The following ARHGAP24 variants were observed in gnomAD, a reference collection of about 807,000 sequenced individuals.
ARHGAP24 encodes rho GTPase-activating protein 24.
A neutral mutation model predicts 76.4 loss-of-function variants in ARHGAP24; 50 were observed. That is an observed-to-expected ratio of 0.65 (90% CI 0.52 to 0.83). The LOEUF (loss-of-function observed/expected upper bound fraction) is 0.83, where lower values mean the gene tolerates loss of function less well. Among genes scored for constraint, ARHGAP24 ranks in the 40% least tolerant of loss-of-function variants. ARHGAP24 has a pLI of 0.00. For missense variants in ARHGAP24, 930 were observed against 914.2 expected, an observed-to-expected ratio of 1.02 and a Z score of -0.22; for synonymous variants, 345 against 323.3, an observed-to-expected ratio of 1.07 and a Z score of -0.72.
chr4:85,889,259 G>A (rs902673650), intron 3 of ARHGAP24, among the ~76,000 whole-genome samples: 15 of 152,190 alleles, frequency 9.9e-5, no homozygotes, highest in African/African-American at 3.4e-4. Context: ...TCCCATTCCT[G>A]CTGAGAAAAT....
intron 1 of ARHGAP24, among the ~76,000 whole-genome samples, chr4:85,506,778 T>C (rs1724069138): frequency 6.6e-6 from 1 of 152,114 alleles, no homozygotes; most frequent in South Asian, 2.1e-4. Context: ...CCCAGTGAGA[T>C]GAACCAGGTA....
chr4:85,772,971 C>T (rs552185472), intron 3 of ARHGAP24, among the ~76,000 whole-genome samples: 1 of 152,086 alleles, frequency 6.6e-6, no homozygotes, highest in Non-Finnish European at 1.5e-5. Context: ...TCAAATTGTG[C>T]GATCAGTCTT....
chr4:85,846,408 T>C (rs1730887471), intron 3 of ARHGAP24, among the ~76,000 whole-genome samples: 1 of 152,342 alleles, frequency 6.6e-6, no homozygotes, highest in Admixed American at 6.5e-5. Context: ...TTATTATTAT[T>C]GACACTTTTT....
chr4:85,822,741 T>C (rs1281407277), intron 3 of ARHGAP24, among the ~76,000 whole-genome samples: 4 of 152,224 alleles, frequency 2.6e-5, no homozygotes, highest in East Asian at 1.9e-4. Flanking sequence ...TGTATTATGC[T>C]CTTTATATTT....
intron 1 of ARHGAP24, among the ~76,000 whole-genome samples, chr4:85,515,719 T>C (rs949477157): frequency 6.6e-6 from 1 of 152,200 alleles, no homozygotes; most frequent in Non-Finnish European, 1.5e-5. Flanking sequence ...TATTTTCATC[T>C]ATTACTATTA....
chr4:85,768,910 C>T (rs1370213099), intron 3 of ARHGAP24, among the ~76,000 whole-genome samples: 1 of 152,058 alleles, frequency 6.6e-6, no homozygotes, highest in African/African-American at 2.4e-5. Context: ...ATATCTTAGT[C>T]TCAGATAAGG....
Position 85,995,241 on chromosome 4 carries a change from G to A in ARHGAP24, c.1587G>A (p.Leu529=), listed in dbSNP as rs1306822645. Residue 529 remains leucine (L), a synonymous_variant, in exon 9 of 10, where the codon CTG becomes CTA. Transcript: ENST00000395184. ...QAGELGQHNR[L]STYDNVHQQF... is the part of the protein sequence containing the mutation. ...GAGAGTTAGGCCAGCACAACAGACT[G>A]TCCACCTATGATAATGTCCATCAAC... 2 of 1,613,874 alleles carry A rather than the reference G, an allele frequency of 1.2e-6. No homozygotes were observed. The highest frequency in any genetic ancestry group is 2.2e-5 in the East Asian group (1 of 44,848).
intron 3 of ARHGAP24, among the ~76,000 whole-genome samples, chr4:85,774,953 G>A (rs1475440666): frequency 2.0e-5 from 3 of 152,006 alleles, no homozygotes; most frequent in Non-Finnish European, 4.4e-5. Flanking sequence ...AGAGCAATGT[G>A]GTTCAAAAAG....
intron 3 of ARHGAP24, among the ~76,000 whole-genome samples, chr4:85,848,238 G>T (rs575598387): frequency 6.6e-6 from 1 of 152,104 alleles, no homozygotes. Flanking sequence ...CAACATGCAG[G>T]TTTGTTACAT....
chr4:85,860,425 G>A (rs954785907), intron 3 of ARHGAP24, among the ~76,000 whole-genome samples: 6 of 151,946 alleles, frequency 3.9e-5, no homozygotes, highest in South Asian at 2.1e-4. Context: ...TCTTCATTAC[G>A]GTTTAATATT....
intron 3 of ARHGAP24, among the ~76,000 whole-genome samples, chr4:85,744,144 G>A (rs1265860873): frequency 6.6e-6 from 1 of 152,164 alleles, no homozygotes; most frequent in African/African-American, 2.4e-5. Context: ...TATCACATAT[G>A]AATTCAGCTT....
At chr4:85,650,435 C>T (rs1721892265) in intron 2 of ARHGAP24, among the ~76,000 whole-genome samples, 1 of 149,310 alleles carries the variant, frequency 6.7e-6, no homozygotes, top group African/African-American at 2.6e-5. Context: ...ACCCAATGAC[C>T]TTGGCCAATA....
At chr4:85,601,701 A>C (rs4693712) in intron 2 of ARHGAP24, among the ~76,000 whole-genome samples, 1 of 151,870 alleles carries the variant, frequency 6.6e-6, no homozygotes, top group Non-Finnish European at 1.5e-5. Flanking sequence ...GGCATTTTCT[A>C]TATGGAATGT....
At chr4:85,802,301 A>G (rs542038055) in intron 3 of ARHGAP24, among the ~76,000 whole-genome samples, 50 of 152,330 alleles carry the variant, frequency 3.3e-4, no homozygotes, top group African/African-American at 1.2e-3. Context: ...AAATTTCTCA[A>G]TGAAGATAGC....
intron 1 of ARHGAP24, among the ~76,000 whole-genome samples, chr4:85,498,556 G>A (rs1319874677): frequency 6.6e-6 from 1 of 152,190 alleles, no homozygotes; most frequent in Non-Finnish European, 1.5e-5. Flanking sequence ...GGAAATCCAC[G>A]GGCCTGTGTA....
At position 85,548,487 on chromosome 4, in the gene ARHGAP24, A is replaced by C. The variant is rs939086303; in HGVS notation, c.-20-22035A>C. Among the ~76,000 whole-genome samples the C allele has an allele frequency of 3.9e-5, 6 of 152,170 alleles. No homozygotes were observed. The East Asian group carries it at 1.2e-3, about 29-fold the overall frequency. ...ACTACAGGATGCATTCTGGTGTCCT[A>C]ATTTTCTCATTTGTAACTCTTTTCC... On this transcript the variant is annotated intron_variant, in intron 1 of 9. Transcript: ENST00000395184.
chr4:85,659,642 A>T (rs1446889476), intron 2 of ARHGAP24, among the ~76,000 whole-genome samples: 1 of 152,212 alleles, frequency 6.6e-6, no homozygotes, highest in Non-Finnish European at 1.5e-5. Context: ...CTTCATTTTG[A>T]TGAACACATT....
intron 2 of ARHGAP24, among the ~76,000 whole-genome samples, chr4:85,669,997 GGGA>G (rs1722770184): frequency 6.6e-6 from 1 of 151,990 alleles, no homozygotes; most frequent in African/African-American, 2.4e-5. Flanking sequence ...CTAGAAAAGT[GGGA>G]GGAGGAGAGA....
chr4:85,760,118 C>A (rs1248292108), intron 3 of ARHGAP24, among the ~76,000 whole-genome samples: 1 of 151,814 alleles, frequency 6.6e-6, no homozygotes, highest in Non-Finnish European at 1.5e-5. Flanking sequence ...TCCATTTATT[C>A]TTTAATTTAA....
Sources: gnomAD v4.1 joint callset for allele counts (sites outside exome capture counted in the v4.1 genomes callset) on GRCh38, gnomAD v4.1.1 for gene constraint, MANE v1.5 for transcripts, NCBI Gene and HGNC (gene_info 2026-07-23, HGNC 2026-07-21) for gene names.